A1BG: variants seen among roughly 807,000 people sequenced by gnomAD.
A1BG encodes the protein alpha-1B-glycoprotein.
Under a neutral mutation model 46.0 loss-of-function variants are expected in A1BG, and 44 were observed. The observed-to-expected ratio is 0.96, with a 90% CI of 0.75 to 1.23. The LOEUF is 1.23. Ranked by LOEUF, A1BG falls within the 50% of genes most tolerant of loss-of-function variation. The probability of loss-of-function intolerance (pLI) is 0.00; values close to 1 mark genes in which losing one functional copy is unlikely to be tolerated. For synonymous variants in A1BG, 316 were observed against 314.7 expected, an observed-to-expected ratio of 1.00 and a Z score of -0.04; for missense variants, 707 against 688.8, an observed-to-expected ratio of 1.03 and a Z score of -0.30.
At chr19:58,350,780 G>T in intron 5 of A1BG, 129 bp from the exon 6 acceptor site, 1 of 1,004,246 alleles carries the variant, frequency 1.0e-6, no homozygotes, top group Non-Finnish European at 1.3e-6. Flanking sequence ...TTCCTCCCTC[G>T]CCTCCTCCGG....
rs1555779280 is a variant in A1BG at position 58,347,677 on chromosome 19, C to CCGCAGGCCACGCCCCAGGCCGCG, written c.1193-38_1193-37insCGCGGCCTGGGGCGTGGCCTGCG. 8 of 671,802 alleles carry CCGCAGGCCACGCCCCAGGCCGCG rather than the reference C, an allele frequency of 1.2e-5. No individual in the cohort carries two copies. The African/African-American group carries it at 1.5e-4, about 12-fold the overall frequency. 41.6% of individuals were successfully genotyped at this position (671,802 alleles called of 1,614,324 possible). ...GGGCGGGTGGTCGGGCCAGGCCACG[C>CCGCAGGCCACGCCCCAGGCCGCG]CCCAGGCCACGCCCCAGGCCACACC... On this transcript the variant is annotated intron_variant, in intron 6 of 7. Transcript: ENST00000263100.
chr19:58,350,370 C>G lies in A1BG; in HGVS notation c.1192G>C (p.Gly398Arg). 1 of 1,535,124 alleles carries G rather than the reference C, an allele frequency of 6.5e-7. No homozygotes were observed. The highest frequency in any genetic ancestry group is 8.8e-7 in the Non-Finnish European group (1 of 1,136,532). Residue 398 changes from glycine (G) to arginine (R), a missense_variant and splice_region_variant, in exon 6 of 8, where the codon GGA (glycine) becomes CGA (arginine). Transcript: ENST00000263100. ...CCTCGCTGGTGCCCCGCCAGCTCAC[C>G]GTCCACGTGCAGCTCCAAGCGCTCG... The part of the protein sequence containing the change: ...PSERLELHVD[G>R]PPPRPQLRAT...
Position 58,353,440 on chromosome 19 carries a change from T to C in A1BG, c.-3A>G. The C allele has an allele frequency of 6.2e-7, 1 of 1,609,922 alleles. No homozygotes were observed. Among genetic ancestry groups the C allele is most frequent in the African/African-American group, 1.3e-5 (1 of 74,894 alleles). The stretch of plus-strand genomic sequence containing the variant: ...AGAAAGACCACGAGCATGGACATGA[T>C]GGTCGCGCTCACTCCGGTGCAGTGA... On this transcript the variant is annotated 5_prime_UTR_variant, in exon 1 of 8. Coordinates refer to ENST00000263100, the MANE Select transcript of A1BG (RefSeq NM_130786.4).
At chr19:58,349,075 G>C (rs1258797177) in intron 6 of A1BG, 1 of 151,254 alleles carries the variant, frequency 6.6e-6, no homozygotes, top group Non-Finnish European at 1.5e-5. Flanking sequence ...CTGGAATGCA[G>C]TGGCATGACC....
chr19:58,348,455 T>C lies in A1BG; in HGVS notation c.1193-815A>G, dbSNP rs953099290. ...ATTTCAGGGAAATTAATGAAGTACA[T>C]GTAAGTGCTTGATTTAAATGTGTAT... On this transcript the variant is annotated intron_variant, in intron 6 of 7. Coordinates refer to ENST00000263100, the MANE Select transcript of A1BG (RefSeq NM_130786.4). 39 of 152,246 alleles carry C rather than the reference T, an allele frequency of 2.6e-4. 1 individual carries two copies. The highest frequency in any genetic ancestry group is 1.5e-5 in the Non-Finnish European group (1 of 68,046). 9.4% of individuals were successfully genotyped at this position (152,246 alleles called of 1,614,324 possible).
Position 58,346,592 on chromosome 19 carries a change from T to C in A1BG, c.*430A>G, listed in dbSNP as rs1228865898. ...ATAATTAGCCAGACGTGGCGATGCA[T>C]GCCCAGGCTCCCAGCTACTTGGGAG... On this transcript the variant is annotated 3_prime_UTR_variant, in exon 8 of 8. Coordinates refer to ENST00000263100, the MANE Select transcript of A1BG (RefSeq NM_130786.4). 9 of 260,840 alleles carry C rather than the reference T, an allele frequency of 3.5e-5. No homozygotes were observed. Among genetic ancestry groups the C allele is most frequent in the South Asian group, 2.6e-4 (7 of 27,444 alleles). 16.2% of individuals were successfully genotyped at this position (260,840 alleles called of 1,614,324 possible).
Position 58,346,948 on chromosome 19 carries a change from A to C in A1BG, c.*74T>G. On this transcript the variant is annotated 3_prime_UTR_variant, in exon 8 of 8. Coordinates refer to ENST00000263100, the MANE Select transcript of A1BG (RefSeq NM_130786.4). ...AGAGACCCCGGCCTTGTGCTGCAAC[A>C]GGAGGGGAGGGAGCCAGTCCAGAAT... The C allele has an allele frequency of 6.5e-7, 1 of 1,543,604 alleles. No homozygotes were observed. The highest frequency in any genetic ancestry group is 1.7e-5 in the Admixed American group (1 of 59,934).
At position 58,347,335 on chromosome 19, in the gene A1BG, G is replaced by A. The variant is rs777501141; in HGVS notation, c.1480+18C>T. On this transcript the variant is annotated intron_variant, in intron 7 of 7. Coordinates refer to ENST00000263100, the MANE Select transcript of A1BG (RefSeq NM_130786.4). ...ATCAGCAGACGGAACCAGCACCCGG[G>A]ACCCAGGGAAACGTCACCTGCCACC... 2.5e-6 allele frequency: 4 copies of A among 1,609,428 alleles called. No homozygotes were observed. In the African/African-American group the frequency reaches 5.3e-5, roughly 21 times the overall value.
chr19:58,352,251 C>A, intron 4 of A1BG, 32 bp downstream of exon 4: 2 of 1,606,856 alleles, frequency 1.2e-6, no homozygotes, highest in Non-Finnish European at 1.7e-6. Context: ...CCTCCTCCCC[C>A]AGCAGCCCCC....
chr19:58,351,449 A>T lies in A1BG; in HGVS notation c.852T>A (p.His284Gln). ...GGHYTCRYRL[H>Q]DNQNGWSGDS... ...CCCCGGACCAGCCGTTTTGGTTGTC[A>T]TGCAGCCGGTAGCGGCAGGTGTAGT... The change falls in exon 5 of 8, where the codon CAT (histidine) becomes CAA (glutamine). Residue 284 changes from histidine to glutamine, a missense_variant. Transcript: ENST00000263100. 1 of 1,613,810 alleles carries T rather than the reference A, an allele frequency of 6.2e-7. No homozygotes were observed. Among genetic ancestry groups the T allele is most frequent in the Non-Finnish European group, 8.5e-7 (1 of 1,180,024 alleles).
chr19:58,347,791 C>T (rs1568552419), intron 6 of A1BG, 151 bp from the exon 7 acceptor site: 3 of 440,698 alleles, frequency 6.8e-6, no homozygotes, highest in Non-Finnish European at 1.1e-5. Context: ...AGGGCTCCTC[C>T]GGCGCCGCCG....
chr19:58,346,715 T>C lies in A1BG; in HGVS notation c.*307A>G. The C allele has an allele frequency of 2.2e-6, 1 of 460,802 alleles. No individual in the cohort carries two copies. Among genetic ancestry groups the C allele is most frequent in the Non-Finnish European group, 4.0e-6 (1 of 252,326 alleles). 28.5% of individuals were successfully genotyped at this position (460,802 alleles called of 1,614,324 possible). A position where few individuals can be genotyped will look rare whatever the true frequency, so the allele number is the denominator to read the frequency against. Reference sequence around the variant, plus strand: ...GCCTGGGTGACAGTGTGAGACCCTGTCTCAAAAAAGAAAAAAGAAAAGAAA... The same window carrying C: ...GCCTGGGTGACAGTGTGAGACCCTGCCTCAAAAAAGAAAAAAGAAAAGAAA... On this transcript the variant is annotated 3_prime_UTR_variant, in exon 8 of 8. Coordinates refer to ENST00000263100, the MANE Select transcript of A1BG (RefSeq NM_130786.4).
At position 58,346,283 on chromosome 19, in the gene A1BG, T is replaced by C. The variant is rs1162289649; in HGVS notation, c.*739A>G. ...CACAGATGAAAGAGGCCCTGAGAAG[T>C]GTTGGTTGGCCAGGTGCTGTGGCTC... On this transcript the variant is annotated 3_prime_UTR_variant, in exon 8 of 8. Coordinates refer to ENST00000263100, the MANE Select transcript of A1BG (RefSeq NM_130786.4). The C allele has an allele frequency of 1.3e-5, 2 of 153,624 alleles. No homozygotes were observed. The highest frequency in any genetic ancestry group is 4.8e-5 in the African/African-American group (2 of 41,452). 9.5% of individuals were successfully genotyped at this position (153,624 alleles called of 1,614,324 possible).
intron 1 of A1BG, 30 bp from the exon 2 acceptor site, chr19:58,353,357 TTCCCGCCCCC>T (rs767950233): frequency 4.9e-5 from 79 of 1,610,428 alleles, no homozygotes; most frequent in Non-Finnish European, 5.8e-5. Context: ...AAGGCTCCTG[TTCCCGCCCCC>T]TCCCGCCCCA....
At chr19:58,352,813 G>C in intron 3 of A1BG, 115 bp downstream of exon 3, 2 of 1,414,630 alleles carry the variant, frequency 1.4e-6, no homozygotes, top group Non-Finnish European at 1.9e-6. Flanking sequence ...CCATTTGACA[G>C]ATGGGAAGAT....
chr19:58,351,653 T>C lies in A1BG; in HGVS notation c.648A>G (p.Gly216=). 2 of 1,609,102 alleles carry C rather than the reference T, an allele frequency of 1.2e-6. No individual in the cohort carries two copies. The highest frequency in any genetic ancestry group is 1.7e-6 in the Non-Finnish European group (2 of 1,178,158). The part of the protein sequence containing the change: ...APPPPVLMHH[G]ESSQVLHPGN... ...CAGGGTGCAGGACCTGGGAGGACTC[T>C]CCATGGTGCATCAGCACAGGCGGTG... Residue 216 remains glycine, a synonymous_variant, in exon 5 of 8, where the codon GGA becomes GGG. Transcript: ENST00000263100.
intron 6 of A1BG, chr19:58,350,094 A>G: frequency 2.3e-6 from 1 of 439,084 alleles, no homozygotes. Context: ...ACAGAGCTGC[A>G]GGGATCTGAA....
At chr19:58,347,133 C>A in intron 7 of A1BG, 104 bp from the exon 8 acceptor site, 2 of 1,478,734 alleles carry the variant, frequency 1.4e-6, no homozygotes. Flanking sequence ...CGGAAGGAAG[C>A]GCGTGGTCGG....
intron 6 of A1BG, 138 bp from the exon 7 acceptor site, chr19:58,347,778 C>G (rs1411019011): frequency 4.0e-6 from 2 of 501,636 alleles, no homozygotes; most frequent in Non-Finnish European, 6.1e-6. Context: ...TTCCTGGGCG[C>G]AGAGGGCTCC....
Sources: gnomAD v4.1 joint callset for allele counts on GRCh38, gnomAD v4.1.1 for gene constraint, MANE v1.5 for transcripts, NCBI Gene and HGNC (gene_info 2026-07-23, HGNC 2026-07-21) for gene names.